GRM7: variants seen among roughly 807,000 people sequenced by gnomAD.
GRM7 encodes glutamate metabotropic receptor 7.
In GRM7, 35 loss-of-function variants were observed where a neutral mutation model predicts 84.5. The observed-to-expected ratio is 0.41, with a 90% CI of 0.32 to 0.55. GRM7 has a LOEUF of 0.55. GRM7 is among the 20% of genes least tolerant of loss of function. The pLI, the probability that GRM7 is intolerant of heterozygous loss-of-function variation, is 0.19. For missense variants in GRM7, 1,003 were observed against 1,194.6 expected (o/e 0.84, Z 2.36); for synonymous variants, 487 against 455.1 (o/e 1.07, Z -0.89).
intron 4 of GRM7, among the ~76,000 whole-genome samples, chr3:7,379,340 G>A (rs187968804): frequency 1.8e-4 from 28 of 152,150 alleles, no homozygotes; most frequent in African/African-American, 4.8e-4. Flanking sequence ...CACTTCAACC[G>A]CCTAGGCCTC....
intron 4 of GRM7, among the ~76,000 whole-genome samples, chr3:7,344,222 T>C (rs1692784005): frequency 6.6e-6 from 1 of 151,538 alleles, no homozygotes. Context: ...TTAGTTATTT[T>C]TTCTGATGTT....
chr3:7,337,097 G>T (rs1288731371), intron 4 of GRM7, among the ~76,000 whole-genome samples: 1 of 152,006 alleles, frequency 6.6e-6, no homozygotes, highest in Non-Finnish European at 1.5e-5. Context: ...ACAGAATAGA[G>T]AATTCAGAAA....
At chr3:7,117,608 C>A (rs751072777) in intron 1 of GRM7, among the ~76,000 whole-genome samples, 1 of 152,160 alleles carries the variant, frequency 6.6e-6, no homozygotes, top group Non-Finnish European at 1.5e-5. Flanking sequence ...CATCAGTTAT[C>A]CTCATGCTCT....
At chr3:6,978,201 G>A (rs886523433) in intron 1 of GRM7, among the ~76,000 whole-genome samples, 4 of 152,146 alleles carry the variant, frequency 2.6e-5, no homozygotes, top group African/African-American at 9.7e-5. Context: ...ACAGAGAAAA[G>A]GAGAAGGCTA....
chr3:7,717,607 C>T (rs1387087105), intron 9 of GRM7, among the ~76,000 whole-genome samples: 1 of 152,174 alleles, frequency 6.6e-6, no homozygotes. Context: ...ATAAATCAAA[C>T]TCCTGTCCCA....
At chr3:7,443,514 C>T (rs1350043987) in intron 5 of GRM7, among the ~76,000 whole-genome samples, 1 of 151,848 alleles carries the variant, frequency 6.6e-6, no homozygotes, top group Non-Finnish European at 1.5e-5. Flanking sequence ...AAATATGTTT[C>T]CCTCCGTTCT....
chr3:7,668,297 T>G (rs996575628), intron 8 of GRM7, among the ~76,000 whole-genome samples: 1 of 152,204 alleles, frequency 6.6e-6, no homozygotes, highest in African/African-American at 2.4e-5. Flanking sequence ...AGATTGGAAA[T>G]GGAATCTCTA....
At chr3:7,324,078 C>A (rs1367131652) in intron 4 of GRM7, among the ~76,000 whole-genome samples, 2 of 152,028 alleles carry the variant, frequency 1.3e-5, no homozygotes, top group African/African-American at 4.8e-5. Flanking sequence ...CCCAAGGAAA[C>A]CAGTACTGTG....
chr3:7,159,836 C>T, intron 2 of GRM7, among the ~76,000 whole-genome samples: 1 of 152,062 alleles, frequency 6.6e-6, no homozygotes, highest in Non-Finnish European at 1.5e-5. Context: ...TTGAGCTAGC[C>T]TTATTTTAAA....
intron 5 of GRM7, among the ~76,000 whole-genome samples, chr3:7,420,134 A>G (rs1220078193): frequency 1.3e-5 from 2 of 152,130 alleles, no homozygotes; most frequent in Admixed American, 6.6e-5. Flanking sequence ...TAAACCATGT[A>G]TTTCTTAAGT....
intron 1 of GRM7, among the ~76,000 whole-genome samples, chr3:7,000,885 C>G (rs1329554811): frequency 3.3e-5 from 5 of 152,122 alleles, no homozygotes; most frequent in Non-Finnish European, 5.9e-5. Flanking sequence ...GACAATGGGA[C>G]AGAGATGTGA....
intron 1 of GRM7, among the ~76,000 whole-genome samples, chr3:6,970,124 G>C (rs1015243838): frequency 6.6e-6 from 1 of 152,184 alleles, no homozygotes; most frequent in African/African-American, 2.4e-5. Flanking sequence ...CAAAAAAGAA[G>C]TTTACTCTGA....
rs142751093 is a variant in GRM7 at position 7,384,060 on chromosome 3, AC to A, written c.1034-30962del. Among the ~76,000 whole-genome samples, 1,317 of 152,050 alleles carry A rather than the reference AC, an allele frequency of 8.7e-3. 15 individuals are homozygous for A. Among genetic ancestry groups the A allele is most frequent in the Admixed American group, 0.013 (198 of 15,276 alleles). On this transcript the variant is annotated intron_variant, in intron 4 of 9. Transcript: ENST00000357716. ...TTCTTTATTTAGGAGACAGAGTCCC[AC>A]TCTCTTGGCCAGGCTGGAGTGCAGT...
chr3:6,970,125 T>C (rs1156691419), intron 1 of GRM7, among the ~76,000 whole-genome samples: 1 of 152,196 alleles, frequency 6.6e-6, no homozygotes, highest in African/African-American at 2.4e-5. Context: ...AAAAAAGAAG[T>C]TTACTCTGAT....
chr3:7,427,677 A>G (rs902046297), intron 5 of GRM7, among the ~76,000 whole-genome samples: 3 of 152,198 alleles, frequency 2.0e-5, no homozygotes, highest in Non-Finnish European at 4.4e-5. Context: ...AGTGATCTTC[A>G]AAAGTCCCAC....
chr3:7,225,759 C>T (rs914380585), intron 2 of GRM7, among the ~76,000 whole-genome samples: 3 of 151,826 alleles, frequency 2.0e-5, no homozygotes, highest in African/African-American at 7.2e-5. Flanking sequence ...TATTTTGTCT[C>T]TCAATTACAA....
At chr3:7,587,951 T>C (rs1695595962) in intron 8 of GRM7, among the ~76,000 whole-genome samples, 1 of 152,140 alleles carries the variant, frequency 6.6e-6, no homozygotes, top group African/African-American at 2.4e-5. Flanking sequence ...ACTCAGCATA[T>C]GATTCTCCTC....
At chr3:7,015,129 C>T (rs1032757665) in intron 1 of GRM7, among the ~76,000 whole-genome samples, 2 of 151,422 alleles carry the variant, frequency 1.3e-5, no homozygotes, top group Non-Finnish European at 2.9e-5. Flanking sequence ...AGCTGCCCTA[C>T]ACCCCACCCC....
intron 7 of GRM7, among the ~76,000 whole-genome samples, chr3:7,526,712 A>T (rs766827944): frequency 2.0e-5 from 3 of 151,916 alleles, no homozygotes; most frequent in Non-Finnish European, 1.5e-5. Context: ...ATGTGGTGAG[A>T]GGTAGAGGTC....
Sources: allele counts gnomAD v4.1 joint callset (sites outside exome capture counted in the v4.1 genomes callset), GRCh38; gene constraint gnomAD v4.1.1; transcripts MANE v1.5; gene names NCBI Gene and HGNC (gene_info 2026-07-23, HGNC 2026-07-21).